The following DOK6 variants were observed in gnomAD, a reference collection of about 807,000 sequenced individuals.
DOK6 encodes the protein downstream of tyrosine kinase 6.
A neutral mutation model predicts 44.0 loss-of-function variants in DOK6; 22 were observed. The observed-to-expected ratio is 0.50, with a 90% CI of 0.36 to 0.71. The LOEUF (loss-of-function observed/expected upper bound fraction) is 0.71, where lower values mean the gene tolerates loss of function less well. Ranked by LOEUF, DOK6 falls within the 30% of genes least tolerant of loss-of-function variation. The pLI is 0.00. For synonymous variants in DOK6, 166 were observed against 145.5 expected, an observed-to-expected ratio of 1.14 and a Z score of -1.01; for missense variants, 340 against 416.4, an observed-to-expected ratio of 0.82 and a Z score of 1.60.
intron 3 of DOK6, among the ~76,000 whole-genome samples, chr18:69,655,553 G>C (rs1985338906): frequency 6.6e-6 from 1 of 151,872 alleles, no homozygotes; most frequent in Non-Finnish European, 1.5e-5. Context: ...AGGAGTTTGA[G>C]ACCACCCTGG....
At chr18:69,612,435 G>GTGCGAGGGCGCATGTC (rs1984172198) in intron 3 of DOK6, among the ~76,000 whole-genome samples, 2 of 147,270 alleles carry the variant, frequency 1.4e-5, no homozygotes, top group Non-Finnish European at 1.5e-5. Flanking sequence ...GGGCGCATGT[G>GTGCGAGGGCGCATGTC]TGCGAGGGCG....
At chr18:69,713,059 A>G (rs1986804796) in intron 5 of DOK6, among the ~76,000 whole-genome samples, 1 of 152,222 alleles carries the variant, frequency 6.6e-6, no homozygotes, top group Non-Finnish European at 1.5e-5. Context: ...TCTAAAGGGT[A>G]TCCGTTACTC....
chr18:69,797,484 C>A (rs1469492631), intron 7 of DOK6, among the ~76,000 whole-genome samples: 1 of 152,076 alleles, frequency 6.6e-6, no homozygotes, highest in East Asian at 1.9e-4. Flanking sequence ...ATTTTGCTAA[C>A]ACAGGAAAAA....
intron 7 of DOK6, among the ~76,000 whole-genome samples, chr18:69,794,503 A>T (rs1980688825): frequency 6.6e-6 from 1 of 152,144 alleles, no homozygotes; most frequent in Admixed American, 6.6e-5. Context: ...TGGCAGTGGG[A>T]ACATTGACAA....
At chr18:69,745,140 T>G (rs1205421127) in intron 6 of DOK6, among the ~76,000 whole-genome samples, 1 of 152,182 alleles carries the variant, frequency 6.6e-6, no homozygotes, top group African/African-American at 2.4e-5. Flanking sequence ...TAGATGTCAC[T>G]TCAGAAAATG....
At position 69,790,610 on chromosome 18, in the gene DOK6, G is replaced by A. The variant is rs186859923; in HGVS notation, c.856+32737G>A. Among the ~76,000 whole-genome samples the A allele has an allele frequency of 1.6e-4, 25 of 152,082 alleles. 1 individual carries two copies. The highest frequency in any genetic ancestry group is 3.3e-4 in the Admixed American group (5 of 15,244). ...TTAGTAATATGTGCAGTAATGCAGGGTTGCATTGCTATTGGGCTTTTTTCT... is the reference window on the plus strand; with the variant it reads ...TTAGTAATATGTGCAGTAATGCAGGATTGCATTGCTATTGGGCTTTTTTCT... On this transcript the variant is annotated intron_variant, in intron 7 of 7. Transcript: ENST00000382713.
chr18:69,724,346 C>A (rs1465783040), intron 5 of DOK6, among the ~76,000 whole-genome samples: 2 of 152,168 alleles, frequency 1.3e-5, no homozygotes, highest in African/African-American at 4.8e-5. Flanking sequence ...AGCAGACAAT[C>A]TTTTGTTCAT....
chr18:69,445,873 G>A (rs1281162035), intron 1 of DOK6, among the ~76,000 whole-genome samples: 1 of 152,002 alleles, frequency 6.6e-6, no homozygotes, highest in Non-Finnish European at 1.5e-5. Flanking sequence ...GTGACACAGC[G>A]AGGTTATGTC....
At chr18:69,524,292 C>T (rs1981769673) in intron 1 of DOK6, among the ~76,000 whole-genome samples, 1 of 151,950 alleles carries the variant, frequency 6.6e-6, no homozygotes, top group South Asian at 2.1e-4. Flanking sequence ...ACAACCCAAA[C>T]ATAAAAATAA....
At chr18:69,565,423 A>G (rs1458171509) in intron 2 of DOK6, among the ~76,000 whole-genome samples, 1 of 151,710 alleles carries the variant, frequency 6.6e-6, no homozygotes, top group Non-Finnish European at 1.5e-5. Context: ...TTAACTAGTA[A>G]TCATTTAAAA....
intron 4 of DOK6, among the ~76,000 whole-genome samples, chr18:69,681,436 C>T (rs1037457787): frequency 1.3e-5 from 2 of 152,134 alleles, no homozygotes; most frequent in African/African-American, 4.8e-5. Context: ...TGATTAAATC[C>T]TTTGCTGTAA....
intron 1 of DOK6, among the ~76,000 whole-genome samples, chr18:69,472,327 A>G (rs996593425): frequency 6.6e-6 from 1 of 152,266 alleles, no homozygotes; most frequent in Non-Finnish European, 1.5e-5. Flanking sequence ...TTTTCCTTGC[A>G]CTGTACCACT....
chr18:69,641,937 C>T (rs1345089360), intron 3 of DOK6, among the ~76,000 whole-genome samples: 4 of 152,154 alleles, frequency 2.6e-5, no homozygotes, highest in Admixed American at 2.6e-4. Context: ...TTTAAAGCAA[C>T]GATGCCAGTG....
chr18:69,697,666 A>C (rs1480992998), intron 4 of DOK6, among the ~76,000 whole-genome samples: 1 of 152,076 alleles, frequency 6.6e-6, no homozygotes, highest in Non-Finnish European at 1.5e-5. Context: ...TGGGAATCAA[A>C]GGCAGCATAA....
chr18:69,772,950 G>A (rs1979932254), intron 7 of DOK6, among the ~76,000 whole-genome samples: 1 of 151,976 alleles, frequency 6.6e-6, no homozygotes, highest in African/African-American at 2.4e-5. Flanking sequence ...ATCTGATAAG[G>A]AACTAATTTC....
chr18:69,681,784 T>C (rs909864501), intron 4 of DOK6, among the ~76,000 whole-genome samples: 9 of 152,222 alleles, frequency 5.9e-5, no homozygotes, highest in Non-Finnish European at 7.3e-5. Flanking sequence ...GGAAAACAAA[T>C]GTTGCTTATT....
chr18:69,717,347 T>G, intron 5 of DOK6, among the ~76,000 whole-genome samples: 1 of 152,188 alleles, frequency 6.6e-6, no homozygotes, highest in East Asian at 1.9e-4. Flanking sequence ...TTTGAAAAAC[T>G]TAAAAATATG....
intron 1 of DOK6, among the ~76,000 whole-genome samples, chr18:69,534,377 T>C (rs1362383886): frequency 6.6e-6 from 1 of 152,182 alleles, no homozygotes; most frequent in African/African-American, 2.4e-5. Flanking sequence ...ATCTATGCAT[T>C]TGCTACATGG....
At chr18:69,755,623 C>T (rs1599307676) in intron 6 of DOK6, among the ~76,000 whole-genome samples, 1 of 152,196 alleles carries the variant, frequency 6.6e-6, no homozygotes, top group African/African-American at 2.4e-5. Flanking sequence ...TAAAATGAGC[C>T]TGGCCTCTAG....
Sources: allele counts gnomAD v4.1 joint callset (sites outside exome capture counted in the v4.1 genomes callset), GRCh38; gene constraint gnomAD v4.1.1; transcripts MANE v1.5; gene names NCBI Gene and HGNC (gene_info 2026-07-23, HGNC 2026-07-21).